The following CFAP58 variants were observed in gnomAD, a reference collection of about 807,000 sequenced individuals.
CFAP58 encodes cilia- and flagella-associated protein 58.
CFAP58 carries 88 observed loss-of-function variants against 119.5 expected under a neutral mutation model. The ratio of observed to expected loss-of-function variants is 0.74; its 90% confidence interval spans 0.62 to 0.88. The LOEUF is 0.88. Among genes scored for constraint, CFAP58 ranks in the 40% least tolerant of loss-of-function variants. CFAP58 has a pLI of 0.00. For synonymous variants in CFAP58, 365 were observed against 366.3 expected, an observed-to-expected ratio of 1.00 and a Z score of 0.04; for missense variants, 990 against 1,021.2, an observed-to-expected ratio of 0.97 and a Z score of 0.42.
At chr10:104,377,268 G>A (rs1289389948) in intron 8 of CFAP58, among the ~76,000 whole-genome samples, 2 of 152,204 alleles carry the variant, frequency 1.3e-5, no homozygotes, top group Non-Finnish European at 2.9e-5. Flanking sequence ...TTACAAGTGA[G>A]TGCTAATTGA....
At position 104,450,059 on chromosome 10, in the gene CFAP58, T is replaced by C; in HGVS notation, c.2377-12T>C. ...GTATCTTTTGTTAATGCTGCTTTATTTGCCATGTTAGGTTTTGTCTTCAGA... is the reference window on the plus strand; with the variant it reads ...GTATCTTTTGTTAATGCTGCTTTATCTGCCATGTTAGGTTTTGTCTTCAGA... On this transcript the variant is annotated splice_polypyrimidine_tract_variant and intron_variant, in intron 16 of 17. Coordinates refer to ENST00000369704, the MANE Select transcript of CFAP58 (RefSeq NM_001008723.2). 6.3e-7 allele frequency: 1 copy of C among 1,586,558 alleles called. No individual in the cohort carries two copies. The highest frequency in any genetic ancestry group is 8.5e-7 in the Non-Finnish European group (1 of 1,171,364).
chr10:104,395,556 T>C (rs897597197), intron 11 of CFAP58, among the ~76,000 whole-genome samples: 2 of 152,246 alleles, frequency 1.3e-5, no homozygotes, highest in African/African-American at 4.8e-5. Flanking sequence ...TCCGACTGGA[T>C]AATTTTGGCC....
At chr10:104,391,477 G>A (rs1299594623) in intron 9 of CFAP58, among the ~76,000 whole-genome samples, 1 of 152,062 alleles carries the variant, frequency 6.6e-6, no homozygotes, top group Non-Finnish European at 1.5e-5. Context: ...ATTTCTTCAT[G>A]AAAATTTTTC....
intron 15 of CFAP58, among the ~76,000 whole-genome samples, chr10:104,409,782 A>C (rs1259284657): frequency 1.3e-5 from 2 of 152,256 alleles, no homozygotes; most frequent in African/African-American, 4.8e-5. Flanking sequence ...GATTTTGAAA[A>C]GTAGTTTTCC....
the CFAP58 span, among the ~76,000 whole-genome samples, chr10:104,342,800 G>C: frequency 8.5e-5 from 12 of 141,648 alleles, no homozygotes; most frequent in Non-Finnish European, 1.7e-4. Context: ...ACCCGAGATC[G>C]TGCCACTGCA....
At chr10:104,367,631 T>G (rs886503458) in intron 5 of CFAP58, among the ~76,000 whole-genome samples, 55 of 152,234 alleles carry the variant, frequency 3.6e-4, no homozygotes, top group African/African-American at 1.3e-3. Context: ...ACATTTTATT[T>G]AGTCCCTATT....
chr10:104,364,552 T>C (rs946532437), intron 3 of CFAP58, among the ~76,000 whole-genome samples, 181 bp from the exon 4 acceptor site: 3 of 152,094 alleles, frequency 2.0e-5, no homozygotes, highest in African/African-American at 7.2e-5. Flanking sequence ...TTAGTACTTC[T>C]TTCCAGTTAA....
At chr10:104,339,966 C>T in the CFAP58 span, among the ~76,000 whole-genome samples, 1 of 152,144 alleles carries the variant, frequency 6.6e-6, no homozygotes, top group Non-Finnish European at 1.5e-5. Context: ...AAGAGTTCAG[C>T]GTTGTGCTGG....
intron 15 of CFAP58, among the ~76,000 whole-genome samples, chr10:104,434,504 C>T (rs757366629): frequency 5.9e-5 from 9 of 152,150 alleles, no homozygotes; most frequent in East Asian, 1.9e-4. Flanking sequence ...ACTGTGGGTT[C>T]GAATGGCACA....
At chr10:104,408,005 A>G (rs1238689658) in intron 15 of CFAP58, among the ~76,000 whole-genome samples, 4 of 152,194 alleles carry the variant, frequency 2.6e-5, no homozygotes. Context: ...CCCAAAGCCC[A>G]TAATTTTAAT....
chr10:104,389,967 A>G (rs1445994411), intron 9 of CFAP58, among the ~76,000 whole-genome samples: 4 of 152,194 alleles, frequency 2.6e-5, no homozygotes, highest in Non-Finnish European at 5.9e-5. Context: ...ATGAACAAGG[A>G]GGGTTTATCC....
intron 9 of CFAP58, among the ~76,000 whole-genome samples, chr10:104,383,239 A>G (rs1254618224): frequency 1.3e-5 from 2 of 152,178 alleles, no homozygotes; most frequent in Non-Finnish European, 2.9e-5. Context: ...TCGTACTTTT[A>G]TGGATTTGTT....
At chr10:104,414,836 A>AT (rs922452561) in intron 15 of CFAP58, among the ~76,000 whole-genome samples, 26 of 151,848 alleles carry the variant, frequency 1.7e-4, no homozygotes, top group South Asian at 4.2e-4. Context: ...CGCCCGGCTA[A>AT]TTTTTTTTGT....
At chr10:104,382,432 A>G (rs2133016004) in intron 9 of CFAP58, 1 of 490,476 alleles carries the variant, frequency 2.0e-6, no homozygotes, top group Non-Finnish European at 3.7e-6. Context: ...TCACACCACC[A>G]TCAGAGCTAA....
chr10:104,401,345 G>A (rs1323300828), intron 13 of CFAP58, among the ~76,000 whole-genome samples: 1 of 152,192 alleles, frequency 6.6e-6, no homozygotes, highest in African/African-American at 2.4e-5. Context: ...AAGAAAAGAG[G>A]TGGAAAATAT....
intron 1 of CFAP58, among the ~76,000 whole-genome samples, chr10:104,358,000 CAT>C (rs1272966725): frequency 9.8e-5 from 13 of 133,274 alleles, no homozygotes; most frequent in East Asian, 4.4e-4. Flanking sequence ...TATATGTACA[CAT>C]ATATACACAT....
intron 14 of CFAP58, among the ~76,000 whole-genome samples, chr10:104,405,513 A>ATT (rs2012344151): frequency 6.6e-6 from 1 of 152,252 alleles, no homozygotes; most frequent in Non-Finnish European, 1.5e-5. Flanking sequence ...TGTTAGATTA[A>ATT]TTCAAAATGT....
At chr10:104,353,658 T>C, upstream of CFAP58, 1 of 522,302 alleles carries the variant, frequency 1.9e-6, no homozygotes, top group Non-Finnish European at 3.5e-6. Flanking sequence ...TATTTGCATA[T>C]TTCTCTGAGG....
chr10:104,362,132 T>A lies in CFAP58; in HGVS notation c.401T>A (p.Val134Glu). 6.2e-7 allele frequency: 1 copy of A among 1,614,034 alleles called. No homozygotes were observed. The highest frequency in any genetic ancestry group is 1.1e-5 in the South Asian group (1 of 91,068). Reference protein sequence around the residue: ...KEEIVNLTKLVEQGSGLSMDQ... With the variant: ...KEEIVNLTKLEEQGSGLSMDQ... ...GAAATAGTGAACCTGACCAAACTAG[T>A]GGAGCAGGGGTCTGGACTGTCAATG... The change falls in exon 3 of 18, where the codon GTG becomes GAG. Residue 134 changes from valine (V) to glutamate (E), a missense_variant. Physicochemically the swap from Val to Glu is moderately radical, Grantham distance 121. Transcript: ENST00000369704.
Sources: allele counts gnomAD v4.1 joint callset (sites outside exome capture counted in the v4.1 genomes callset), GRCh38; gene constraint gnomAD v4.1.1; transcripts MANE v1.5; gene names NCBI Gene and HGNC (gene_info 2026-07-23, HGNC 2026-07-21).